The following FARS2 variants were observed in gnomAD, a reference collection of about 807,000 sequenced individuals.
FARS2 encodes the protein phenylalanine--tRNA ligase, mitochondrial.
In FARS2, 40 loss-of-function variants were observed where a neutral mutation model predicts 46.4. That is an observed-to-expected ratio of 0.86 (90% confidence interval 0.67 to 1.12). FARS2 has a LOEUF of 1.12. FARS2 is among the 50% of genes most tolerant of loss of function. The probability of loss-of-function intolerance (pLI) is 0.00; values close to 1 mark genes in which losing one functional copy is unlikely to be tolerated. For missense variants in FARS2, 513 were observed against 567.9 expected (o/e 0.90, Z 0.98); for synonymous variants, 234 against 214.9 (o/e 1.09, Z -0.78).
At chr6:5,588,490 A>G (rs1773742593) in intron 5 of FARS2, among the ~76,000 whole-genome samples, 1 of 152,136 alleles carries the variant, frequency 6.6e-6, no homozygotes, top group Non-Finnish European at 1.5e-5. Context: ...CTGCATATAA[A>G]AGCAAAGTCC....
intron 3 of FARS2, among the ~76,000 whole-genome samples, chr6:5,429,603 C>G (rs1335297253): frequency 6.6e-6 from 1 of 151,990 alleles, no homozygotes; most frequent in East Asian, 1.9e-4. Flanking sequence ...GCCAGAAGTT[C>G]AACACCAGCC....
chr6:5,502,356 G>C (rs1246856227), intron 4 of FARS2, among the ~76,000 whole-genome samples: 1 of 151,916 alleles, frequency 6.6e-6, no homozygotes, highest in East Asian at 1.9e-4. Context: ...CATTTTATAG[G>C]GTATACATCT....
At chr6:5,694,638 T>C (rs768440700) in intron 6 of FARS2, among the ~76,000 whole-genome samples, 2 of 152,190 alleles carry the variant, frequency 1.3e-5, no homozygotes, top group Non-Finnish European at 2.9e-5. Context: ...TATTTCTCTC[T>C]ATGTTCTAAA....
chr6:5,298,406 A>G (rs1386015775), intron 1 of FARS2, among the ~76,000 whole-genome samples: 2 of 152,210 alleles, frequency 1.3e-5, no homozygotes, highest in Non-Finnish European at 2.9e-5. Flanking sequence ...ACAGTGCACC[A>G]TCTTAGCTGG....
chr6:5,415,654 T>G (rs923710551), intron 3 of FARS2, among the ~76,000 whole-genome samples: 1 of 152,160 alleles, frequency 6.6e-6, no homozygotes, highest in African/African-American at 2.4e-5. Context: ...ATGCTGAATA[T>G]TATGTACTTA....
At chr6:5,626,452 G>A (rs1039853029) in intron 6 of FARS2, among the ~76,000 whole-genome samples, 8 of 152,262 alleles carry the variant, frequency 5.3e-5, no homozygotes, top group African/African-American at 9.6e-5. Context: ...GGACACCACC[G>A]TTGAGGCTTT....
chr6:5,527,148 A>G (rs1164742734), intron 4 of FARS2, among the ~76,000 whole-genome samples: 1 of 152,254 alleles, frequency 6.6e-6, no homozygotes, highest in Non-Finnish European at 1.5e-5. Flanking sequence ...CTCTTCGGTT[A>G]TATTCTCACC....
intron 6 of FARS2, among the ~76,000 whole-genome samples, chr6:5,686,972 A>T (rs1293517179): frequency 3.9e-5 from 6 of 152,134 alleles, no homozygotes; most frequent in Admixed American, 1.3e-4. Context: ...GCATTTTTTC[A>T]TGTGTCTGTT....
At chr6:5,693,611 G>A (rs888988337) in intron 6 of FARS2, among the ~76,000 whole-genome samples, 7 of 152,164 alleles carry the variant, frequency 4.6e-5, no homozygotes, top group Non-Finnish European at 8.8e-5. Flanking sequence ...AAAACTTTGT[G>A]ACATAAAGCA....
At chr6:5,509,163 T>C (rs1201290973) in intron 4 of FARS2, among the ~76,000 whole-genome samples, 1 of 152,184 alleles carries the variant, frequency 6.6e-6, no homozygotes, top group Non-Finnish European at 1.5e-5. Flanking sequence ...ACGTAGACAT[T>C]AGGTAAAAGC....
rs117123981 is a variant in FARS2, at chr6:5,769,006, T to A, written c.1218-2285T>A. Among the ~76,000 whole-genome samples, 1,356 of 152,366 alleles carry A rather than the reference T, an allele frequency of 8.9e-3. 22 individuals carry two copies. The highest frequency in any genetic ancestry group is 0.066 in the East Asian group (344 of 5,192). On this transcript the variant is annotated intron_variant, in intron 6 of 6. Coordinates refer to ENST00000274680, the MANE Select transcript of FARS2 (RefSeq NM_006567.5). ...TGAATTCCAAGTTTATCATTTTTTT[T>A]AATTTTTTCACCTGTGCTTTTGGTG...
At chr6:5,272,862 A>G (rs559291716) in intron 1 of FARS2, among the ~76,000 whole-genome samples, 1 of 152,118 alleles carries the variant, frequency 6.6e-6, no homozygotes, top group East Asian at 1.9e-4. Context: ...CTCTCTTTCC[A>G]TGAGATTCAC....
intron 4 of FARS2, among the ~76,000 whole-genome samples, chr6:5,538,100 T>C (rs925868651): frequency 1.3e-5 from 2 of 150,622 alleles, no homozygotes; most frequent in Non-Finnish European, 2.9e-5. Context: ...GTGAGTTCTG[T>C]ACTCTGGTGA....
chr6:5,277,415 A>T (rs1374014249), intron 1 of FARS2, among the ~76,000 whole-genome samples: 1 of 152,224 alleles, frequency 6.6e-6, no homozygotes, highest in Non-Finnish European at 1.5e-5. Flanking sequence ...AATGGATATC[A>T]ATTACAAATG....
intron 5 of FARS2, among the ~76,000 whole-genome samples, chr6:5,580,607 A>G (rs1446664255): frequency 2.0e-5 from 3 of 152,290 alleles, no homozygotes; most frequent in African/African-American, 7.2e-5. Flanking sequence ...AGTGGGTATA[A>G]TGCCTCCCTC....
chr6:5,269,150 A>G (rs1765764665), intron 1 of FARS2, among the ~76,000 whole-genome samples: 1 of 152,314 alleles, frequency 6.6e-6, no homozygotes, highest in African/African-American at 2.4e-5. Context: ...ATGGAATACT[A>G]TGCAGCCATA....
chr6:5,451,436 C>G (rs1169979246), intron 4 of FARS2, among the ~76,000 whole-genome samples: 2 of 152,138 alleles, frequency 1.3e-5, no homozygotes, highest in Admixed American at 1.3e-4. Context: ...TCAAGTATGT[C>G]AAGGTGATGG....
At chr6:5,344,338 C>T (rs1757091371) in intron 1 of FARS2, among the ~76,000 whole-genome samples, 1 of 152,204 alleles carries the variant, frequency 6.6e-6, no homozygotes, top group Non-Finnish European at 1.5e-5. Context: ...ACAGATCACA[C>T]TGACCTGAAG....
At chr6:5,380,965 A>G (rs956606679) in intron 2 of FARS2, among the ~76,000 whole-genome samples, 1 of 144,520 alleles carries the variant, frequency 6.9e-6, no homozygotes, top group Admixed American at 6.9e-5. Flanking sequence ...GTAGTTCATT[A>G]TAGCAATTAT....
Sources: gnomAD v4.1 joint callset for allele counts (sites outside exome capture counted in the v4.1 genomes callset) on GRCh38, gnomAD v4.1.1 for gene constraint, MANE v1.5 for transcripts, NCBI Gene and HGNC (gene_info 2026-07-23, HGNC 2026-07-21) for gene names.